STAG1: variants seen among roughly 807,000 people sequenced by gnomAD.
STAG1 encodes cohesin subunit SA-1.
A neutral mutation model predicts 170.9 loss-of-function variants in STAG1; 26 were observed. The observed-to-expected ratio is 0.15, with a 90% CI of 0.11 to 0.21. STAG1 has a LOEUF of 0.21. Among genes scored for constraint, STAG1 ranks in the 10% least tolerant of loss-of-function variants. STAG1 has a pLI of 1.00. For synonymous variants in STAG1, 514 were observed against 497.7 expected (o/e 1.03, Z -0.44); for missense variants, 964 against 1,509.5 (o/e 0.64, Z 5.99).
chr3:136,601,392 T>C (rs756231214), intron 4 of STAG1, among the ~76,000 whole-genome samples: 1 of 152,012 alleles, frequency 6.6e-6, no homozygotes, highest in Non-Finnish European at 1.5e-5. Context: ...ACAGTAAAAA[T>C]AACATGAAGC....
chr3:136,634,369 C>T (rs1248049049), intron 1 of STAG1, among the ~76,000 whole-genome samples: 1 of 150,298 alleles, frequency 6.7e-6, no homozygotes, highest in Admixed American at 6.6e-5. Context: ...CCAAAACAAA[C>T]AAACAAAAAA....
intron 23 of STAG1, among the ~76,000 whole-genome samples, chr3:136,373,699 C>A (rs1039130928): frequency 6.6e-6 from 1 of 152,164 alleles, no homozygotes; most frequent in Non-Finnish European, 1.5e-5. Flanking sequence ...TTTGATTGCA[C>A]TGTGGTCTGA....
At chr3:136,385,289 T>C (rs1299252622) in intron 22 of STAG1, among the ~76,000 whole-genome samples, 1 of 151,974 alleles carries the variant, frequency 6.6e-6, no homozygotes, top group East Asian at 1.9e-4. Flanking sequence ...CTCTACAATA[T>C]ATCAGCCAGG....
At position 136,751,844 on chromosome 3, in the gene STAG1, G is replaced by C. The variant is rs1023742098; in HGVS notation, c.-84+351C>G. 4.6e-5 allele frequency among the ~76,000 whole-genome samples: 7 copies of C among 150,818 alleles called. No individual in the cohort carries two copies. The East Asian group carries it at 7.8e-4, about 17-fold the overall frequency. ...GGAGGGCGGGCTTGGCGGCGGGCCC[G>C]AGCGCGCCACAAAGGCTTCCGCGCC... On this transcript the variant is annotated intron_variant, in intron 1 of 33. Coordinates refer to ENST00000383202, the MANE Select transcript of STAG1 (RefSeq NM_005862.3).
chr3:136,728,225 T>C (rs921952564), intron 1 of STAG1, among the ~76,000 whole-genome samples: 1 of 152,018 alleles, frequency 6.6e-6, no homozygotes, highest in Admixed American at 6.6e-5. Flanking sequence ...AATAGTAAAT[T>C]GAGTCCATGA....
intron 1 of STAG1, among the ~76,000 whole-genome samples, chr3:136,650,395 C>A (rs1324957544): frequency 2.0e-5 from 3 of 152,048 alleles, no homozygotes; most frequent in African/African-American, 7.2e-5. Context: ...ATGATTATTT[C>A]TAAACAGTGA....
chr3:136,405,752 C>A (rs754270777), intron 21 of STAG1, among the ~76,000 whole-genome samples: 3 of 130,288 alleles, frequency 2.3e-5, no homozygotes, highest in Non-Finnish European at 3.1e-5. Flanking sequence ...GATTGTGCCA[C>A]TGCGCTCCAG....
chr3:136,378,535 G>A (rs1358907139), intron 22 of STAG1, among the ~76,000 whole-genome samples: 1 of 152,196 alleles, frequency 6.6e-6, no homozygotes, highest in African/African-American at 2.4e-5. Context: ...GCGCATGGTG[G>A]AGCATGCCTG....
intron 5 of STAG1, among the ~76,000 whole-genome samples, chr3:136,555,078 CACACACT>C (rs1000939434): frequency 4.7e-5 from 7 of 148,128 alleles, no homozygotes; most frequent in African/African-American, 1.5e-4. Context: ...CAGGCACACA[CACACACT>C]ATTTATATAT....
chr3:136,549,378 T>G (rs1041486020), intron 5 of STAG1, among the ~76,000 whole-genome samples: 1 of 152,036 alleles, frequency 6.6e-6, no homozygotes, highest in African/African-American at 2.4e-5. Context: ...TGGTATGATC[T>G]CGGCTCACTG....
chr3:136,552,355 A>G (rs1936441962), intron 5 of STAG1, among the ~76,000 whole-genome samples: 1 of 152,224 alleles, frequency 6.6e-6, no homozygotes, highest in Non-Finnish European at 1.5e-5. Flanking sequence ...GGGAGAAATC[A>G]CTTTACATTT....
At chr3:136,705,866 A>G (rs184131448) in intron 1 of STAG1, among the ~76,000 whole-genome samples, 174 of 152,246 alleles carry the variant, frequency 1.1e-3, no homozygotes, top group African/African-American at 2.4e-3. Flanking sequence ...AAATGGCCAG[A>G]CACAATGGCT....
At chr3:136,654,129 C>T (rs1276331387) in intron 1 of STAG1, among the ~76,000 whole-genome samples, 1 of 151,984 alleles carries the variant, frequency 6.6e-6, no homozygotes, top group East Asian at 1.9e-4. Context: ...TACTGAAGTC[C>T]TAATCAGAGC....
intron 28 of STAG1, among the ~76,000 whole-genome samples, chr3:136,349,811 G>A (rs1936367211): frequency 6.6e-6 from 1 of 152,188 alleles, no homozygotes; most frequent in South Asian, 2.1e-4. Context: ...GTAATTTAAA[G>A]TATTTGCCAA....
chr3:136,527,602 C>A (rs1409881288), intron 6 of STAG1, among the ~76,000 whole-genome samples: 1 of 152,084 alleles, frequency 6.6e-6, no homozygotes, highest in Non-Finnish European at 1.5e-5. Flanking sequence ...GTCATTCTCC[C>A]TCCCGCTTTG....
intron 29 of STAG1, among the ~76,000 whole-genome samples, chr3:136,344,900 C>A (rs1405890414): frequency 6.6e-6 from 1 of 152,082 alleles, no homozygotes; most frequent in Non-Finnish European, 1.5e-5. Context: ...AGGCATGAGC[C>A]ACCACGCCCA....
At chr3:136,569,559 C>T (rs1225193705) in intron 4 of STAG1, among the ~76,000 whole-genome samples, 2 of 151,920 alleles carry the variant, frequency 1.3e-5, no homozygotes, top group East Asian at 3.9e-4. Context: ...AACCATTCAA[C>T]CCAGGGTTGA....
At chr3:136,507,364 A>C (rs1328896885) in intron 7 of STAG1, among the ~76,000 whole-genome samples, 1 of 152,084 alleles carries the variant, frequency 6.6e-6, no homozygotes, top group Non-Finnish European at 1.5e-5. Context: ...AAATTTTTTT[A>C]CTTTTTGTTT....
chr3:136,400,631 G>A (rs573236609), intron 21 of STAG1, among the ~76,000 whole-genome samples: 4 of 152,220 alleles, frequency 2.6e-5, no homozygotes, highest in Admixed American at 6.5e-5. Context: ...CGCCTCCCGG[G>A]TTCAAGTGAT....
Sources: gnomAD v4.1 joint callset for allele counts (sites outside exome capture counted in the v4.1 genomes callset) on GRCh38, gnomAD v4.1.1 for gene constraint, MANE v1.5 for transcripts, NCBI Gene and HGNC (gene_info 2026-07-23, HGNC 2026-07-21) for gene names.